The following TNFSF4 variants were observed in gnomAD, a reference collection of about 807,000 sequenced individuals.
TNFSF4 encodes TNF superfamily member 4, also known as tumor necrosis factor ligand superfamily member 4.
In TNFSF4, 4 loss-of-function variants were observed where a neutral mutation model predicts 7.3. The observed-to-expected ratio is 0.55, with a 90% confidence interval of 0.27 to 1.25. The LOEUF (loss-of-function observed/expected upper bound fraction) is 1.25. Among genes scored for constraint, TNFSF4 ranks in the 50% most tolerant of loss-of-function variants. The pLI is 0.12. For synonymous variants in TNFSF4, 76 were observed against 83.7 expected (o/e 0.91, Z 0.50); for missense variants, 181 against 208.8 (o/e 0.87, Z 0.82).
At chr1:173,293,062 C>T in the TNFSF4 span, among the ~76,000 whole-genome samples, 4 of 152,062 alleles carry the variant, frequency 2.6e-5, no homozygotes. Flanking sequence ...AATGGCCATA[C>T]TGCCCAAAGC....
Position 173,186,881 on chromosome 1 carries a change from G to A in TNFSF4, c.203-16C>T, listed in dbSNP as rs758766623. ...TTCTTATATTCTAGGGAGGATAGGGGAAAATTTGTTTAATTAATTCCTAAG... is the reference window on the plus strand; with the variant it reads ...TTCTTATATTCTAGGGAGGATAGGGAAAAATTTGTTTAATTAATTCCTAAG... On this transcript the variant is annotated splice_polypyrimidine_tract_variant and intron_variant, in intron 2 of 2. Transcript: ENST00000281834. 1 of 1,531,314 alleles carries A rather than the reference G, an allele frequency of 6.5e-7. No homozygotes were observed. Among genetic ancestry groups the A allele is most frequent in the South Asian group, 1.3e-5 (1 of 78,886 alleles). 94.9% of individuals were successfully genotyped at this position (1,531,314 alleles called of 1,614,324 possible).
the TNFSF4 span, among the ~76,000 whole-genome samples, chr1:173,312,493 T>C: frequency 2.5e-4 from 38 of 152,206 alleles, no homozygotes; most frequent in African/African-American, 8.9e-4. Flanking sequence ...TCCTCCTTTT[T>C]CCTCTCTGAA....
intron 1 of TNFSF4, among the ~76,000 whole-genome samples, chr1:173,201,351 G>A (rs1649934242): frequency 6.6e-6 from 1 of 152,066 alleles, no homozygotes; most frequent in South Asian, 2.1e-4. Flanking sequence ...ATTACATTGG[G>A]GAAATCAAGG....
the TNFSF4 span, among the ~76,000 whole-genome samples, chr1:173,261,109 T>A: frequency 6.6e-6 from 1 of 151,974 alleles, no homozygotes; most frequent in African/African-American, 2.4e-5. Context: ...CCTCAACAAA[T>A]CCAGAAGAAC....
chr1:173,183,260 A>T (rs1398642638), downstream of TNFSF4, among the ~76,000 whole-genome samples: 1 of 152,188 alleles, frequency 6.6e-6, no homozygotes, highest in Admixed American at 6.5e-5. Flanking sequence ...GAAAAGGGTG[A>T]GGTCAAAAAA....
At chr1:173,260,402 G>A in the TNFSF4 span, among the ~76,000 whole-genome samples, 1 of 152,192 alleles carries the variant, frequency 6.6e-6, no homozygotes, top group Non-Finnish European at 1.5e-5. Flanking sequence ...GTAGTAGGCA[G>A]ACCAATGACA....
chr1:173,321,029 T>C, the TNFSF4 span, among the ~76,000 whole-genome samples: 1 of 152,314 alleles, frequency 6.6e-6, no homozygotes, highest in South Asian at 2.1e-4. Context: ...AAGAAAATCC[T>C]AAGCAAAAAG....
the TNFSF4 span, among the ~76,000 whole-genome samples, chr1:173,425,169 AT>A: frequency 6.6e-6 from 1 of 151,956 alleles, no homozygotes; most frequent in East Asian, 1.9e-4. Flanking sequence ...ATGTCTTGGT[AT>A]TTTTTTATAG....
At chr1:173,343,804 T>A in the TNFSF4 span, among the ~76,000 whole-genome samples, 3 of 152,084 alleles carry the variant, frequency 2.0e-5, no homozygotes, top group African/African-American at 7.2e-5. Context: ...GATGCATGGA[T>A]AAATGAATGA....
chr1:173,266,926 A>C, the TNFSF4 span, among the ~76,000 whole-genome samples: 32,355 of 152,036 alleles, frequency 0.21, 3,767 homozygotes, highest in Admixed American at 0.32. Context: ...TCATGAAGAA[A>C]TCTTTTTAAC....
intron 1 of TNFSF4, among the ~76,000 whole-genome samples, chr1:173,192,670 A>AGAAT (rs1649536027): frequency 6.6e-6 from 1 of 152,210 alleles, no homozygotes; most frequent in Non-Finnish European, 1.5e-5. Context: ...CAAAACCCAC[A>AGAAT]GAATGTACAG....
chr1:173,213,788 C>T, the TNFSF4 span, among the ~76,000 whole-genome samples: 4 of 152,208 alleles, frequency 2.6e-5, no homozygotes, highest in Non-Finnish European at 1.5e-5. Flanking sequence ...TTAATCCCCT[C>T]TTCTTTTCAG....
the TNFSF4 span, among the ~76,000 whole-genome samples, chr1:173,230,117 C>T: frequency 6.6e-6 from 1 of 152,196 alleles, no homozygotes; most frequent in African/African-American, 2.4e-5. Flanking sequence ...CACCCCAAAT[C>T]AACAGAATGC....
chr1:173,361,752 C>T, the TNFSF4 span, among the ~76,000 whole-genome samples: 4 of 152,146 alleles, frequency 2.6e-5, no homozygotes, highest in South Asian at 6.2e-4. Flanking sequence ...TACGGACTCA[C>T]TGTTGTGAAT....
chr1:173,253,294 C>T, the TNFSF4 span, among the ~76,000 whole-genome samples: 2 of 152,110 alleles, frequency 1.3e-5, no homozygotes, highest in African/African-American at 4.8e-5. Context: ...AGTAAGAATC[C>T]TCAAACATAA....
chr1:173,246,913 G>C, the TNFSF4 span, among the ~76,000 whole-genome samples: 1 of 152,232 alleles, frequency 6.6e-6, no homozygotes, highest in African/African-American at 2.4e-5. Flanking sequence ...ACAAGAACTT[G>C]CCAAACTTGG....
chr1:173,173,988 T>G, the TNFSF4 span, among the ~76,000 whole-genome samples: 1 of 152,248 alleles, frequency 6.6e-6, no homozygotes, highest in South Asian at 2.1e-4. Flanking sequence ...GGGTTTTCCT[T>G]TCTGTCACAT....
the TNFSF4 span, among the ~76,000 whole-genome samples, chr1:173,388,424 G>C: frequency 6.6e-6 from 1 of 152,220 alleles, no homozygotes; most frequent in South Asian, 2.1e-4. Context: ...CAGCATTTCT[G>C]AAAGTATAGT....
the TNFSF4 span, among the ~76,000 whole-genome samples, chr1:173,425,884 T>C: frequency 6.6e-6 from 1 of 152,226 alleles, no homozygotes; most frequent in African/African-American, 2.4e-5. Context: ...CTCAGTTATG[T>C]GGATATGGTC....
Sources: allele counts gnomAD v4.1 joint callset (sites outside exome capture counted in the v4.1 genomes callset), GRCh38; gene constraint gnomAD v4.1.1; transcripts MANE v1.5; gene names NCBI Gene and HGNC (gene_info 2026-07-23, HGNC 2026-07-21).